The following GABRG3 variants were observed in gnomAD, a reference collection of about 807,000 sequenced individuals.
GABRG3 encodes the protein gamma-aminobutyric acid type A receptor subunit gamma3.
GABRG3 carries 25 observed loss-of-function variants against 48.8 expected under a neutral mutation model. That is an observed-to-expected ratio of 0.51 (90% CI 0.37 to 0.72). GABRG3 has a LOEUF of 0.72. Among genes scored for constraint, GABRG3 ranks in the 30% least tolerant of loss-of-function variants. GABRG3 has a pLI of 0.00. For synonymous variants in GABRG3, 227 were observed against 217.6 expected, an observed-to-expected ratio of 1.04 and a Z score of -0.38; for missense variants, 394 against 577.9, an observed-to-expected ratio of 0.68 and a Z score of 3.26.
chr15:27,023,890 A>T (rs1895940779), intron 2 of GABRG3, among the ~76,000 whole-genome samples: 1 of 152,228 alleles, frequency 6.6e-6, no homozygotes, highest in Admixed American at 6.5e-5. Context: ...TATTTTCCAC[A>T]GTGGGTATAT....
rs1890936258 is a variant in GABRG3 at position 27,266,845 on chromosome 15, A to G, written c.271-59964A>G. ...AATTGTTTGTGGCTAGTATATAGAC[A>G]TACAATTTATTTTTGTATATTGATA... On this transcript the variant is annotated intron_variant, in intron 3 of 9. Coordinates refer to ENST00000615808, the MANE Select transcript of GABRG3 (RefSeq NM_033223.5). Among the ~76,000 whole-genome samples the G allele has an allele frequency of 4.6e-5, 7 of 152,322 alleles. No individual in the cohort carries two copies. The South Asian group carries it at 1.4e-3, about 32-fold the overall frequency.
At chr15:27,159,866 A>G (rs999521829) in intron 3 of GABRG3, among the ~76,000 whole-genome samples, 14 of 152,184 alleles carry the variant, frequency 9.2e-5, no homozygotes, top group African/African-American at 3.4e-4. Context: ...AAGTCCCTTT[A>G]AAAGAAAATA....
At chr15:27,079,097 C>A (rs751936924) in intron 3 of GABRG3, among the ~76,000 whole-genome samples, 9 of 152,068 alleles carry the variant, frequency 5.9e-5, no homozygotes, top group Non-Finnish European at 1.0e-4. Flanking sequence ...AACCGTTTCC[C>A]CCAGACCCTG....
chr15:26,979,911 G>A (rs939349686), intron 2 of GABRG3, among the ~76,000 whole-genome samples: 1 of 152,148 alleles, frequency 6.6e-6, no homozygotes, highest in African/African-American at 2.4e-5. Flanking sequence ...GATTATATAA[G>A]GGTTTGTGTT....
intron 3 of GABRG3, among the ~76,000 whole-genome samples, chr15:27,048,652 T>C (rs1896405789): frequency 6.6e-6 from 1 of 152,086 alleles, no homozygotes. Context: ...TGCCCACGGG[T>C]GGGCAGGCAT....
At chr15:27,098,872 C>G (rs572551169) in intron 3 of GABRG3, among the ~76,000 whole-genome samples, 1 of 152,086 alleles carries the variant, frequency 6.6e-6, no homozygotes, top group Admixed American at 6.6e-5. Context: ...TTGGTTTCCT[C>G]TTAGGACCAA....
At chr15:27,416,729 T>C (rs1887951535) in intron 5 of GABRG3, among the ~76,000 whole-genome samples, 1 of 152,168 alleles carries the variant, frequency 6.6e-6, no homozygotes, top group Non-Finnish European at 1.5e-5. Flanking sequence ...TTTTAGCCTC[T>C]GGGTTTCTGC....
intron 3 of GABRG3, among the ~76,000 whole-genome samples, chr15:27,065,748 A>C (rs1896727737): frequency 1.3e-5 from 2 of 152,226 alleles, no homozygotes; most frequent in South Asian, 4.1e-4. Flanking sequence ...GAACAACCAA[A>C]ATGCTGCCCA....
At chr15:27,308,993 C>T (rs1034834980) in intron 3 of GABRG3, among the ~76,000 whole-genome samples, 16 of 149,334 alleles carry the variant, frequency 1.1e-4, no homozygotes, top group East Asian at 4.0e-4. Flanking sequence ...TATATGAAAA[C>T]ACATATAATG....
intron 3 of GABRG3, among the ~76,000 whole-genome samples, chr15:27,218,180 AT>A (rs931460534): frequency 6.0e-5 from 9 of 151,260 alleles, no homozygotes; most frequent in Admixed American, 1.3e-4. Context: ...TGCCTGCCTA[AT>A]TTTTTTTTAA....
chr15:27,289,707 A>G (rs879468119), intron 3 of GABRG3, among the ~76,000 whole-genome samples: 1 of 152,214 alleles, frequency 6.6e-6, no homozygotes, highest in Non-Finnish European at 1.5e-5. Flanking sequence ...TGGGTTTCCC[A>G]CAGTTGGAAT....
chr15:27,077,226 TA>T (rs1212506701), intron 3 of GABRG3, among the ~76,000 whole-genome samples: 1 of 152,166 alleles, frequency 6.6e-6, no homozygotes, highest in Non-Finnish European at 1.5e-5. Context: ...CCTCTCTGGG[TA>T]TCACTGTGTT....
At chr15:27,071,966 C>T (rs1896834692) in intron 3 of GABRG3, among the ~76,000 whole-genome samples, 1 of 152,214 alleles carries the variant, frequency 6.6e-6, no homozygotes, top group African/African-American at 2.4e-5. Context: ...CAGGTCATTT[C>T]CTACTAAATC....
In GABRG3 at chr15:27,293,659, C is replaced by T. The variant is rs1343006071; in HGVS notation, c.271-33150C>T. On this transcript the variant is annotated intron_variant, in intron 3 of 9. Transcript: ENST00000615808. Reference sequence around the variant, plus strand: ...TGCCACTGTACTCCAGCCTGGGCAACAGAGTGAGATTCTGTCTCAAAAAAA... The same window carrying T: ...TGCCACTGTACTCCAGCCTGGGCAATAGAGTGAGATTCTGTCTCAAAAAAA... Among the ~76,000 whole-genome samples, 9 of 150,120 alleles carry T rather than the reference C, an allele frequency of 6.0e-5. No homozygotes were observed. In the Admixed American group the frequency reaches 6.0e-4, roughly 10 times the overall value.
chr15:27,341,173 C>T (rs1227946489), intron 5 of GABRG3, among the ~76,000 whole-genome samples: 7 of 152,072 alleles, frequency 4.6e-5, no homozygotes, highest in South Asian at 4.1e-4. Flanking sequence ...TTTACTAGTG[C>T]GATGGTGTAG....
chr15:27,129,775 G>C (rs1015564464), intron 3 of GABRG3, among the ~76,000 whole-genome samples: 2 of 149,976 alleles, frequency 1.3e-5, no homozygotes, highest in African/African-American at 4.9e-5. Flanking sequence ...TTGTAGTTTT[G>C]ATTTGCATTT....
intron 3 of GABRG3, among the ~76,000 whole-genome samples, chr15:27,163,253 A>AGG (rs1399703482): frequency 6.6e-6 from 1 of 152,068 alleles, no homozygotes; most frequent in East Asian, 1.9e-4. Flanking sequence ...TAGTTCCAAC[A>AGG]CTTTGGAAAA....
At chr15:27,518,140 C>G (rs1009060034) in intron 6 of GABRG3, among the ~76,000 whole-genome samples, 5 of 137,268 alleles carry the variant, frequency 3.6e-5, no homozygotes, top group African/African-American at 5.5e-5. Context: ...CACCTGAGGT[C>G]AGGAGTTCGA....
At chr15:27,200,171 A>G (rs1888635224) in intron 3 of GABRG3, among the ~76,000 whole-genome samples, 1 of 152,244 alleles carries the variant, frequency 6.6e-6, no homozygotes, top group Admixed American at 6.5e-5. Flanking sequence ...CACTAAAAGA[A>G]ATAAGTTGTA....
Sources: allele counts gnomAD v4.1 joint callset (sites outside exome capture counted in the v4.1 genomes callset), GRCh38; gene constraint gnomAD v4.1.1; transcripts MANE v1.5; gene names NCBI Gene and HGNC (gene_info 2026-07-23, HGNC 2026-07-21).